Variants in TSPO observed in about 807,000 individuals in gnomAD.
TSPO encodes the protein benzodiazepine peripheral binding site.
In TSPO, 14 loss-of-function variants were observed where a neutral mutation model predicts 13.9. That is an observed-to-expected ratio of 1.01 (90% CI 0.67 to 1.58). The LOEUF (loss-of-function observed/expected upper bound fraction) is 1.58. Ranked by LOEUF, TSPO falls within the 40% of genes most tolerant of loss-of-function variation. The probability of loss-of-function intolerance (pLI) is 0.00; values close to 1 mark genes in which losing one functional copy is unlikely to be tolerated. For missense variants in TSPO, 232 were observed against 229.6 expected (o/e 1.01, Z -0.07); for synonymous variants, 114 against 105.9 (o/e 1.08, Z -0.47).
At chr22:43,159,078 A>C in intron 1 of TSPO, 132 bp from the exon 2 acceptor site, 2 of 682,466 alleles carry the variant, frequency 2.9e-6, no homozygotes, top group Non-Finnish European at 4.5e-6. Flanking sequence ...CCCACCCCGC[A>C]CATCTCTGCG....
chr22:43,163,048 G>T lies in TSPO; in HGVS notation c.*57G>T. ...CAGCAGGTGCCATCACGCTTGTGAT[G>T]TGGTGGCCGTCACGCTTTCATGACC... On this transcript the variant is annotated 3_prime_UTR_variant, in exon 4 of 4. Coordinates refer to ENST00000337554, the MANE Select transcript of TSPO (RefSeq NM_000714.6). The T allele has an allele frequency of 6.4e-7, 1 of 1,565,500 alleles. No individual in the cohort carries two copies. Among genetic ancestry groups the T allele is most frequent in the Non-Finnish European group, 8.7e-7 (1 of 1,155,522 alleles).
At position 43,162,919 on chromosome 22, in the gene TSPO, C is replaced by T. The variant is rs747473912; in HGVS notation, c.438C>T (p.Phe146=). ...ACCCCTACCTGGCCTGGCTGGCCTT[C>T]ACGACCACACTCAACTACTGCGTAT... The part of the protein sequence containing the change: ...LLYPYLAWLA[F]TTTLNYCVWR... The change falls in exon 4 of 4, where the codon TTC becomes TTT. Residue 146 remains phenylalanine, a synonymous_variant. Transcript: ENST00000337554. The T allele has an allele frequency of 1.2e-5, 19 of 1,595,034 alleles. No individual in the cohort carries two copies. Among genetic ancestry groups the T allele is most frequent in the East Asian group, 2.3e-5 (1 of 43,788 alleles).
chr22:43,152,404 G>A (rs573697853), intron 1 of TSPO, among the ~76,000 whole-genome samples: 1 of 152,376 alleles, frequency 6.6e-6, no homozygotes, highest in South Asian at 2.1e-4. Flanking sequence ...GTCCCAGAAT[G>A]GGCTCAGGCA....
chr22:43,162,807 T>C lies in TSPO; in HGVS notation c.326T>C (p.Leu109Ser), dbSNP rs1254042415. The change falls in exon 4 of 4, where the codon TTG becomes TCG. Residue 109 changes from leucine to serine, a missense_variant. Physicochemically the swap from Leu to Ser is moderately radical, Grantham distance 145. Coordinates refer to ENST00000337554, the MANE Select transcript of TSPO (RefSeq NM_000714.6). ...TCCGTCCCCCAATCTCTGCAGGCCT[T>C]GGTGGATCTCCTGCTGGTCAGTGGG... ...FFGARQMGWALVDLLLVSGAA... is the reference protein window; with the variant it reads ...FFGARQMGWASVDLLLVSGAA... 6.3e-7 allele frequency: 1 copy of C among 1,582,126 alleles called. No individual in the cohort carries two copies. Among genetic ancestry groups the C allele is most frequent in the African/African-American group, 1.3e-5 (1 of 74,554 alleles).
chr22:43,156,484 A>G (rs1285025694), intron 1 of TSPO, among the ~76,000 whole-genome samples: 2 of 143,640 alleles, frequency 1.4e-5, no homozygotes, highest in Non-Finnish European at 3.1e-5. Flanking sequence ...ATTGATACCA[A>G]ATGTCCAGGA....
chr22:43,151,836 G>A (rs1334264306), intron 1 of TSPO: 1 of 152,232 alleles, frequency 6.6e-6, no homozygotes, highest in Non-Finnish European at 1.5e-5. Context: ...CCGGCTGGGG[G>A]TTCGGGAGGG....
In TSPO at chr22:43,159,276, T is replaced by C. The variant is rs758845609; in HGVS notation, c.38T>C (p.Leu13Pro). ...PPWVPAMGFT[L>P]APSLGCFVGS... ...TGGGTGCCCGCCATGGGCTTCACGC[T>C]GGCGCCCAGCCTGGGGTGCTTCGTG... The change falls in exon 2 of 4, where the codon CTG becomes CCG. Residue 13 changes from leucine to proline, a missense_variant. Transcript: ENST00000337554. 15 of 1,557,482 alleles carry C rather than the reference T, an allele frequency of 9.6e-6. No individual in the cohort carries two copies. The African/African-American group carries it at 1.6e-4, about 17-fold the overall frequency.
intron 1 of TSPO, 143 bp from the exon 2 acceptor site, chr22:43,159,067 T>C: frequency 3.2e-6 from 2 of 622,044 alleles, no homozygotes; most frequent in East Asian, 6.8e-5. Context: ...ACTCAGCCAC[T>C]CCCACCCCGC....
chr22:43,153,186 C>T (rs948061480), intron 1 of TSPO, among the ~76,000 whole-genome samples: 1 of 150,328 alleles, frequency 6.7e-6, no homozygotes, highest in African/African-American at 2.5e-5. Context: ...CAGGGTCTCA[C>T]TCTGGTATGC....
chr22:43,161,103 T>G lies in TSPO; in HGVS notation c.234T>G (p.Ala78=), dbSNP rs1931421662. ...WKELGGFTEK[A]VVPLGLYTGQ... is the part of the protein sequence containing the mutation. ...AGCTGGGAGGCTTCACAGAGAAGGCTGTGGTTCCCCTGGGCCTCTACACTG... is the reference window on the plus strand; with the variant it reads ...AGCTGGGAGGCTTCACAGAGAAGGCGGTGGTTCCCCTGGGCCTCTACACTG... The change falls in exon 3 of 4, where the codon GCT becomes GCG. Residue 78 remains alanine (A), a synonymous_variant. Transcript: ENST00000337554. 6.2e-7 allele frequency: 1 copy of G among 1,614,190 alleles called. No individual in the cohort carries two copies. Among genetic ancestry groups the G allele is most frequent in the Admixed American group, 1.7e-5 (1 of 60,010 alleles).
chr22:43,158,969 G>C (rs1931341223), intron 1 of TSPO, among the ~76,000 whole-genome samples: 1 of 152,128 alleles, frequency 6.6e-6, no homozygotes, highest in African/African-American at 2.4e-5. Flanking sequence ...AGAGAGGAGG[G>C]GTCAGTGCCA....
intron 1 of TSPO, among the ~76,000 whole-genome samples, chr22:43,154,984 G>A (rs934881098): frequency 6.6e-6 from 1 of 152,026 alleles, no homozygotes; most frequent in African/African-American, 2.4e-5. Context: ...AGTGGCCTGC[G>A]GGTCCAATCC....
In TSPO at chr22:43,161,063, A is replaced by T. The variant is rs756858058; in HGVS notation, c.194A>T (p.Tyr65Phe). 2 of 1,613,630 alleles carry T rather than the reference A, an allele frequency of 1.2e-6. No homozygotes were observed. Among genetic ancestry groups the T allele is most frequent in the Non-Finnish European group, 1.7e-6 (2 of 1,179,776 alleles). The change falls in exon 3 of 4, where the codon TAC becomes TTC. Residue 65 changes from tyrosine to phenylalanine, a missense_variant. Transcript: ENST00000337554. The part of the protein sequence containing the change: ...TLYSAMGYGS[Y>F]LVWKELGGFT... ...GGCCTCTGTTTCAGGTACGGCTCCT[A>T]CCTGGTCTGGAAAGAGCTGGGAGGC...
At chr22:43,157,978 G>C (rs1481578203) in intron 1 of TSPO, among the ~76,000 whole-genome samples, 1 of 152,160 alleles carries the variant, frequency 6.6e-6, no homozygotes, top group African/African-American at 2.4e-5. Flanking sequence ...GGTTTGTGGG[G>C]GGCCAGTCTT....
At chr22:43,160,941 A>G in intron 2 of TSPO, 111 bp from the exon 3 acceptor site, 1 of 1,366,724 alleles carries the variant, frequency 7.3e-7, no homozygotes, top group Non-Finnish European at 9.9e-7. Context: ...CCCTGAGATC[A>G]CACAGCAGTC....
intron 1 of TSPO, among the ~76,000 whole-genome samples, chr22:43,153,133 C>G (rs1931140770): frequency 1.4e-5 from 1 of 70,272 alleles, no homozygotes; most frequent in Non-Finnish European, 2.7e-5. Flanking sequence ...TTCTTTCTTC[C>G]CCTTCCTTCC....
intron 1 of TSPO, among the ~76,000 whole-genome samples, chr22:43,154,811 C>A (rs995894028): frequency 1.3e-5 from 2 of 152,106 alleles, no homozygotes; most frequent in African/African-American, 4.8e-5. Context: ...AGGAGTGAAG[C>A]CTCACAAGAC....
chr22:43,163,055 C>A lies in TSPO; in HGVS notation c.*64C>A. ...TGCCATCACGCTTGTGATGTGGTGG[C>A]CGTCACGCTTTCATGACCACTGGGC... On this transcript the variant is annotated 3_prime_UTR_variant, in exon 4 of 4. Transcript: ENST00000337554. 2 of 1,560,882 alleles carry A rather than the reference C, an allele frequency of 1.3e-6. No homozygotes were observed. The highest frequency in any genetic ancestry group is 8.7e-7 in the Non-Finnish European group (1 of 1,153,124).
rs1389706921 is a variant in TSPO, at chr22:43,161,156, C to T, written c.287C>T (p.Pro96Leu). 3 of 1,613,672 alleles carry T rather than the reference C, an allele frequency of 1.9e-6. No individual in the cohort carries two copies. Among genetic ancestry groups the T allele is most frequent in the Non-Finnish European group, 2.5e-6 (3 of 1,179,782 alleles). The change falls in exon 3 of 4, where the codon CCC becomes CTC. Residue 96 changes from proline (P) to leucine (L), a missense_variant. Transcript: ENST00000337554. ...TGQLALNWAW[P>L]PIFFGARQMG... ...CAGCTGGCCCTGAACTGGGCATGGCCCCCCATCTTCTTTGGTGCCCGACAA... is the reference window on the plus strand; with the variant it reads ...CAGCTGGCCCTGAACTGGGCATGGCTCCCCATCTTCTTTGGTGCCCGACAA...
Sources: gnomAD v4.1 joint callset for allele counts (sites outside exome capture counted in the v4.1 genomes callset) on GRCh38, gnomAD v4.1.1 for gene constraint, MANE v1.5 for transcripts, NCBI Gene and HGNC (gene_info 2026-07-23, HGNC 2026-07-21) for gene names.